IGF1R: variants seen among roughly 807,000 people sequenced by gnomAD.
The protein encoded by IGF1R is insulin-like growth factor 1 receptor.
Under a neutral mutation model 144.6 loss-of-function variants are expected in IGF1R, and 44 were observed. That is an observed-to-expected ratio of 0.30 (90% confidence interval 0.24 to 0.39). The LOEUF (loss-of-function observed/expected upper bound fraction) is 0.39, where lower values mean the gene tolerates loss of function less well. Among genes scored for constraint, IGF1R ranks in the 10% least tolerant of loss-of-function variants. IGF1R has a pLI of 1.00. For missense variants in IGF1R, 1,355 were observed against 1,833.7 expected, an observed-to-expected ratio of 0.74 and a Z score of 4.77; for synonymous variants, 795 against 722.8, an observed-to-expected ratio of 1.10 and a Z score of -1.60.
rs931060475 is a variant in IGF1R, at chr15:98,962,645, A to C, written c.*5203A>C. On this transcript the variant is annotated 3_prime_UTR_variant, in exon 21 of 21. Transcript: ENST00000650285. ...GGAATGACCGGGTGGTGGGTACAGA[A>C]CCATTGTCACAGGGATCCTGGCACA... The C allele has an allele frequency of 4.3e-6, 1 of 233,718 alleles. No homozygotes were observed. The highest frequency in any genetic ancestry group is 2.2e-5 in the African/African-American group (1 of 45,354). The allele number at this position is 233,718 out of a possible 1,614,324, so 14.5% of individuals were successfully genotyped here.
chr15:98,658,079 A>G (rs545721201), intron 1 of IGF1R, among the ~76,000 whole-genome samples: 3 of 152,286 alleles, frequency 2.0e-5, no homozygotes, highest in African/African-American at 7.2e-5. Context: ...AGAATCAAGT[A>G]ATGAAACAGG....
rs1330209162 is a variant in IGF1R, at chr15:98,908,088, G to A, written c.1248-597G>A. 2.0e-5 allele frequency among the ~76,000 whole-genome samples: 3 copies of A among 152,244 alleles called. No homozygotes were observed. In the East Asian group the frequency reaches 5.8e-4, roughly 29 times the overall value. ...GATGAGAGGCCCAAGAGCACTGCATGTTAGTGGCTCTTCCTCCTCCCCCAC... is the reference window on the plus strand; with the variant it reads ...GATGAGAGGCCCAAGAGCACTGCATATTAGTGGCTCTTCCTCCTCCCCCAC... On this transcript the variant is annotated intron_variant, in intron 5 of 20. Transcript: ENST00000650285.
chr15:98,657,382 C>G (rs144881824), intron 1 of IGF1R, among the ~76,000 whole-genome samples: 57 of 152,324 alleles, frequency 3.7e-4, no homozygotes, highest in African/African-American at 1.3e-3. Flanking sequence ...AAGTCATTAG[C>G]TATTAATTCT....
intron 2 of IGF1R, among the ~76,000 whole-genome samples, chr15:98,733,573 C>G (rs140858922): frequency 6.6e-6 from 1 of 152,068 alleles, no homozygotes; most frequent in Non-Finnish European, 1.5e-5. Flanking sequence ...CGAGGAGCCT[C>G]CACTGCTATT....
chr15:98,832,924 T>C (rs1235284019), intron 2 of IGF1R, among the ~76,000 whole-genome samples: 1 of 152,246 alleles, frequency 6.6e-6, no homozygotes, highest in Non-Finnish European at 1.5e-5. Context: ...AGACAGTCTA[T>C]GTCTGTGATA....
chr15:98,897,466 A>G (rs1192756344), intron 4 of IGF1R: 1 of 154,510 alleles, frequency 6.5e-6, no homozygotes, highest in Non-Finnish European at 1.4e-5. Context: ...AATGACCTTT[A>G]TTTGCAATAG....
chr15:98,662,943 T>C (rs1014416914), intron 1 of IGF1R, among the ~76,000 whole-genome samples: 10 of 152,024 alleles, frequency 6.6e-5, no homozygotes, highest in African/African-American at 2.4e-4. Flanking sequence ...CTTTGCACCA[T>C]TGCAGTGGAC....
In IGF1R at chr15:98,658,473, T is replaced by C. The variant is rs1192299322; in HGVS notation, c.94+8798T>C. Among the ~76,000 whole-genome samples the C allele has an allele frequency of 2.0e-5, 3 of 152,186 alleles. No individual in the cohort carries two copies. The East Asian group carries it at 5.8e-4, about 29-fold the overall frequency. ...CAGAATGAAAACCTTTTCTAACAGG[T>C]TTAGAAAACCAAAGTCAGAAAAATT... On this transcript the variant is annotated intron_variant, in intron 1 of 20. Coordinates refer to ENST00000650285, the MANE Select transcript of IGF1R (RefSeq NM_000875.5).
intron 2 of IGF1R, among the ~76,000 whole-genome samples, chr15:98,842,877 G>GC (rs2011199214): frequency 1.3e-5 from 2 of 152,220 alleles, no homozygotes; most frequent in African/African-American, 4.8e-5. Context: ...CTTTGGCAGT[G>GC]TCTATCTTAG....
intron 20 of IGF1R, among the ~76,000 whole-genome samples, chr15:98,956,198 C>G (rs1271904368): frequency 6.6e-6 from 1 of 152,258 alleles, no homozygotes; most frequent in Non-Finnish European, 1.5e-5. Context: ...ACTCCCTTTG[C>G]TCCATGTGAC....
rs2017164026 is a variant in IGF1R at position 98,960,045 on chromosome 15, T to TC, written c.*2608dup. The TC allele has an allele frequency of 4.3e-6, 1 of 233,448 alleles. No homozygotes were observed. 14.5% of individuals were successfully genotyped at this position (233,448 alleles called of 1,614,324 possible). On this transcript the variant is annotated 3_prime_UTR_variant, in exon 21 of 21. Coordinates refer to ENST00000650285, the MANE Select transcript of IGF1R (RefSeq NM_000875.5). The stretch of plus-strand genomic sequence containing the variant: ...AGTTCTTGATTTTTTGGGTTTTTTT[T>TC]CCCCCAAACATTTATCTACCTCACT...
chr15:98,703,713 A>G (rs1413543277), intron 1 of IGF1R, among the ~76,000 whole-genome samples: 1 of 152,250 alleles, frequency 6.6e-6, no homozygotes, highest in African/African-American at 2.4e-5. Context: ...CTAGTGGTCA[A>G]CACTGACTGT....
At chr15:98,661,956 C>CCTTTTTTTTTTTTTTTTTTT (rs2052610259) in intron 1 of IGF1R, among the ~76,000 whole-genome samples, 1 of 105,750 alleles carries the variant, frequency 9.5e-6, no homozygotes, top group South Asian at 3.1e-4. Flanking sequence ...GAATAGGGCC[C>CCTTTTTTTTTTTTTTTTTTT]TTTTTTTTTT....
At chr15:98,657,359 CA>C (rs2141170913) in intron 1 of IGF1R, among the ~76,000 whole-genome samples, 1 of 152,302 alleles carries the variant, frequency 6.6e-6, no homozygotes, top group East Asian at 1.9e-4. Context: ...CATCAGCTTA[CA>C]AAGTGTTTTC....
intron 2 of IGF1R, among the ~76,000 whole-genome samples, chr15:98,888,607 AC>A (rs2013758019): frequency 6.6e-6 from 1 of 152,046 alleles, no homozygotes; most frequent in Non-Finnish European, 1.5e-5. Context: ...GAGATGGGTA[AC>A]TCCTTATTAC....
chr15:98,705,606 C>G (rs1368869782), intron 1 of IGF1R, among the ~76,000 whole-genome samples: 1 of 152,206 alleles, frequency 6.6e-6, no homozygotes, highest in Non-Finnish European at 1.5e-5. Context: ...TCTAAGTTCT[C>G]AAGCTTTGCC....
chr15:98,854,644 C>T (rs966747862), intron 2 of IGF1R, among the ~76,000 whole-genome samples: 2 of 152,188 alleles, frequency 1.3e-5, no homozygotes, highest in African/African-American at 2.4e-5. Flanking sequence ...CAGTAAGTCA[C>T]GTCTGAACAA....
chr15:98,749,742 G>A (rs1327454744), intron 2 of IGF1R, among the ~76,000 whole-genome samples: 3 of 152,168 alleles, frequency 2.0e-5, no homozygotes, highest in Admixed American at 6.5e-5. Flanking sequence ...TAAGAGATTC[G>A]ATTTGGCTGC....
chr15:98,679,433 T>C (rs1355978827), intron 1 of IGF1R, among the ~76,000 whole-genome samples: 1 of 152,186 alleles, frequency 6.6e-6, no homozygotes, highest in Admixed American at 6.5e-5. Flanking sequence ...CTCCACATGT[T>C]TTGGTCAATG....
Sources: allele counts gnomAD v4.1 joint callset (sites outside exome capture counted in the v4.1 genomes callset), GRCh38; gene constraint gnomAD v4.1.1; transcripts MANE v1.5; gene names NCBI Gene and HGNC (gene_info 2026-07-23, HGNC 2026-07-21).